The following TENM2 variants were observed in gnomAD, a reference collection of about 807,000 sequenced individuals.
The protein encoded by TENM2 is teneurin-2.
Under a neutral mutation model 245.2 loss-of-function variants are expected in TENM2, and 52 were observed. The observed-to-expected ratio is 0.21, with a 90% CI of 0.17 to 0.27. TENM2 has a LOEUF of 0.27. TENM2 is among the 10% of genes least tolerant of loss of function. The pLI, the probability that TENM2 is intolerant of heterozygous loss-of-function variation, is 1.00. For synonymous variants in TENM2, 1,363 were observed against 1,438.9 expected (o/e 0.95, Z 1.19); for missense variants, 3,046 against 3,666.8 (o/e 0.83, Z 4.37).
intron 25 of TENM2, among the ~76,000 whole-genome samples, chr5:168,234,259 A>G (rs535086205): frequency 6.6e-6 from 1 of 152,148 alleles, no homozygotes; most frequent in Admixed American, 6.5e-5. Context: ...CAGCATTTCT[A>G]TTTTTCATAA....
chr5:167,601,697 A>G (rs1014079366), intron 2 of TENM2, among the ~76,000 whole-genome samples: 18 of 152,190 alleles, frequency 1.2e-4, no homozygotes, highest in African/African-American at 3.9e-4. Context: ...TAAAAGTCCA[A>G]TTTCTTATTC....
chr5:167,133,829 A>G, the TENM2 span, among the ~76,000 whole-genome samples: 1 of 152,090 alleles, frequency 6.6e-6, no homozygotes. Context: ...GGGGCGAAAA[A>G]AAAAAAGGAA....
intron 27 of TENM2, among the ~76,000 whole-genome samples, chr5:168,253,087 C>A (rs1324909002): frequency 6.6e-6 from 1 of 151,764 alleles, no homozygotes; most frequent in Non-Finnish European, 1.5e-5. Context: ...CTGCCTCAGC[C>A]TCCCGAGTAG....
At chr5:168,168,366 C>T (rs1478208088) in intron 13 of TENM2, among the ~76,000 whole-genome samples, 1 of 152,110 alleles carries the variant, frequency 6.6e-6, no homozygotes, top group Non-Finnish European at 1.5e-5. Flanking sequence ...AATTTTATTT[C>T]AGGAAGAAAT....
intron 2 of TENM2, among the ~76,000 whole-genome samples, chr5:167,462,065 A>G (rs2127493978): frequency 6.6e-6 from 1 of 152,138 alleles, no homozygotes; most frequent in South Asian, 2.1e-4. Flanking sequence ...TTGATTGATC[A>G]GTTTTACATG....
chr5:167,965,207 T>C (rs1210046805), intron 4 of TENM2: 1 of 152,164 alleles, frequency 6.6e-6, no homozygotes, highest in Non-Finnish European at 1.5e-5. Flanking sequence ...TGAATAGCAA[T>C]GTCATGTGCT....
At chr5:167,686,521 T>G (rs1757086893) in intron 2 of TENM2, among the ~76,000 whole-genome samples, 1 of 152,178 alleles carries the variant, frequency 6.6e-6, no homozygotes, top group Non-Finnish European at 1.5e-5. Context: ...CCGAGGGCTT[T>G]AAAAATGGAA....
intron 12 of TENM2, among the ~76,000 whole-genome samples, chr5:168,161,850 A>G (rs1223492960): frequency 1.3e-5 from 2 of 151,524 alleles, no homozygotes; most frequent in African/African-American, 4.9e-5. Context: ...ACACATCAAT[A>G]AAGGAAAAGA....
intron 6 of TENM2, among the ~76,000 whole-genome samples, chr5:168,054,021 G>T (rs1257695812): frequency 6.6e-6 from 1 of 152,196 alleles, no homozygotes. Flanking sequence ...ATCAATAATA[G>T]TAAACTAAAC....
intron 2 of TENM2, among the ~76,000 whole-genome samples, chr5:167,481,808 A>G (rs972299803): frequency 6.6e-6 from 1 of 152,244 alleles, no homozygotes; most frequent in Admixed American, 6.5e-5. Flanking sequence ...CTAGACTGGT[A>G]TTACAAAAAA....
At chr5:167,863,116 C>T (rs116611957) in intron 2 of TENM2, among the ~76,000 whole-genome samples, 2,163 of 152,298 alleles carry the variant, frequency 0.014, 19 homozygotes, top group Non-Finnish European at 0.023. Flanking sequence ...CTCTTCAAGA[C>T]GGTTTGCTCA....
At chr5:167,827,038 A>C (rs1003339965) in intron 2 of TENM2, among the ~76,000 whole-genome samples, 1 of 152,236 alleles carries the variant, frequency 6.6e-6, no homozygotes, top group African/African-American at 2.4e-5. Context: ...GACTGTATCC[A>C]TCCTCCATCC....
the TENM2 span, among the ~76,000 whole-genome samples, chr5:167,040,129 TCTC>T: frequency 3.9e-5 from 6 of 152,166 alleles, no homozygotes; most frequent in East Asian, 1.2e-3. Flanking sequence ...AAAAATCAAA[TCTC>T]CTCATCTTGT....
At chr5:167,408,764 T>C (rs1762757290) in intron 2 of TENM2, among the ~76,000 whole-genome samples, 1 of 151,018 alleles carries the variant, frequency 6.6e-6, no homozygotes, top group Non-Finnish European at 1.5e-5. Flanking sequence ...TTGCAGGCTT[T>C]CCATGTATTT....
chr5:167,977,958 C>T (rs1337110111), intron 4 of TENM2, among the ~76,000 whole-genome samples: 1 of 152,052 alleles, frequency 6.6e-6, no homozygotes, highest in South Asian at 2.1e-4. Context: ...GCCTTCCTCC[C>T]GGTAATGAAT....
At chr5:167,524,177 G>C (rs1315411565) in intron 2 of TENM2, among the ~76,000 whole-genome samples, 1 of 152,158 alleles carries the variant, frequency 6.6e-6, no homozygotes, top group South Asian at 2.1e-4. Context: ...ATTATTGGCT[G>C]ATAAACTGTG....
intron 6 of TENM2, among the ~76,000 whole-genome samples, chr5:168,051,548 G>A (rs1789089149): frequency 6.6e-6 from 1 of 152,104 alleles, no homozygotes. Context: ...CAAGTTATAG[G>A]AGTCCAGAAG....
intron 6 of TENM2, among the ~76,000 whole-genome samples, chr5:168,060,031 A>G (rs931831120): frequency 1.3e-5 from 2 of 152,178 alleles, no homozygotes; most frequent in Non-Finnish European, 2.9e-5. Context: ...GCTCTTAAAC[A>G]TGATGCCGTA....
At chr5:167,669,896 A>G (rs1288242405) in intron 2 of TENM2, among the ~76,000 whole-genome samples, 2 of 151,912 alleles carry the variant, frequency 1.3e-5, no homozygotes, top group Non-Finnish European at 1.5e-5. Flanking sequence ...ATTAAAATGG[A>G]ATAAAAGCTT....
Sources: allele counts gnomAD v4.1 joint callset (sites outside exome capture counted in the v4.1 genomes callset), GRCh38; gene constraint gnomAD v4.1.1; transcripts MANE v1.5; gene names NCBI Gene and HGNC (gene_info 2026-07-23, HGNC 2026-07-21).